RNF32: variants seen among roughly 807,000 people sequenced by gnomAD.
RNF32 encodes ring finger protein 32.
In RNF32, 36 loss-of-function variants were observed where a neutral mutation model predicts 41.0. That is an observed-to-expected ratio of 0.88 (90% CI 0.67 to 1.16). The LOEUF (loss-of-function observed/expected upper bound fraction) is 1.16, where lower values mean the gene tolerates loss of function less well. Ranked by LOEUF, RNF32 falls within the 50% of genes most tolerant of loss-of-function variation. RNF32 has a pLI of 0.00. For synonymous variants in RNF32, 154 were observed against 160.9 expected, an observed-to-expected ratio of 0.96 and a Z score of 0.32; for missense variants, 413 against 436.7, an observed-to-expected ratio of 0.95 and a Z score of 0.48.
At chr7:156,658,834 T>C (rs555101017) in intron 7 of RNF32, 1 of 1,409,602 alleles carries the variant, frequency 7.1e-7, no homozygotes, top group Admixed American at 2.0e-5. Context: ...CATTTTGTGC[T>C]AATTGTTTAA....
chr7:156,669,844 G>C lies in RNF32; in HGVS notation c.685-5852G>C, dbSNP rs1402194240. Among the ~76,000 whole-genome samples, 2 of 152,208 alleles carry C rather than the reference G, an allele frequency of 1.3e-5. No individual in the cohort carries two copies. The highest frequency in any genetic ancestry group is 2.9e-5 in the Non-Finnish European group (2 of 68,036). On this transcript the variant is annotated intron_variant, in intron 7 of 8. Transcript: ENST00000317955. The surrounding 1 kb of genome is among the most constrained non-coding windows in gnomAD (Gnocchi z 4.2). Reference sequence around the variant, plus strand: ...ATAACCAGATGAGACGTGCAGTTGGGCCTGCAGCACGCAGGGCTTGGGGAC... The same window carrying C: ...ATAACCAGATGAGACGTGCAGTTGGCCCTGCAGCACGCAGGGCTTGGGGAC...
At chr7:156,673,329 G>A (rs893609307) in intron 7 of RNF32, among the ~76,000 whole-genome samples, 3 of 152,090 alleles carry the variant, frequency 2.0e-5, no homozygotes, top group African/African-American at 4.8e-5. Flanking sequence ...ATCAATTGGA[G>A]GTAACTGTGT....
At position 156,654,635 on chromosome 7, in the gene RNF32, A is replaced by G. The variant is rs1799319644; in HGVS notation, c.334A>G (p.Lys112Glu). The G allele has an allele frequency of 2.5e-6, 4 of 1,613,854 alleles. No homozygotes were observed. The highest frequency in any genetic ancestry group is 3.4e-6 in the Non-Finnish European group (4 of 1,179,842). Reference sequence around the variant, plus strand: ...TCCACTGTCATCAGATGAATGGGAGAAGGTGAAACAGCGCTCTCTCCTGCA... The same window carrying G: ...TCCACTGTCATCAGATGAATGGGAGGAGGTGAAACAGCGCTCTCTCCTGCA... ...PPPLSSDEWE[K>E]VKQRSLLQGD... Residue 112 changes from lysine to glutamate, a missense_variant, in exon 4 of 9, where the codon AAG becomes GAG. Lys to Glu is a moderately conservative substitution (Grantham distance 56). Coordinates refer to ENST00000317955, the MANE Select transcript of RNF32 (RefSeq NM_030936.4).
chr7:156,642,037 G>A (rs1312405055), intron 1 of RNF32, among the ~76,000 whole-genome samples: 1 of 152,206 alleles, frequency 6.6e-6, no homozygotes, highest in Non-Finnish European at 1.5e-5. Context: ...ACGCCTTAGT[G>A]AGTTTGTTCT....
At chr7:156,640,567 C>T (rs1309844060), upstream of RNF32, 3 of 397,488 alleles carry the variant, frequency 7.5e-6, no homozygotes, top group Non-Finnish European at 1.5e-5. Flanking sequence ...GTGCGCGGGG[C>T]GGGGGCCGGC....
chr7:156,640,236 C>A (rs1797102393), upstream of RNF32: 2 of 449,270 alleles, frequency 4.5e-6, no homozygotes, highest in East Asian at 1.4e-4. Flanking sequence ...CAGAAAACTG[C>A]CCTCGACTAA....
intron 3 of RNF32, among the ~76,000 whole-genome samples, chr7:156,649,497 C>G (rs769962093): frequency 6.6e-6 from 1 of 151,972 alleles, no homozygotes; most frequent in Non-Finnish European, 1.5e-5. Flanking sequence ...TAGCCTAACA[C>G]GTTTCATTTA....
chr7:156,645,729 T>C (rs535493681), intron 3 of RNF32, among the ~76,000 whole-genome samples: 9 of 152,344 alleles, frequency 5.9e-5, no homozygotes, highest in East Asian at 1.9e-4. Context: ...GTTAAGAACA[T>C]ACGATAATAT....
chr7:156,652,966 G>C (rs1798964052), intron 3 of RNF32, among the ~76,000 whole-genome samples: 1 of 152,052 alleles, frequency 6.6e-6, no homozygotes, highest in African/African-American at 2.4e-5. Flanking sequence ...AAAAGTTATA[G>C]GAAGCTAACT....
chr7:156,652,261 T>C (rs573541830), intron 3 of RNF32, among the ~76,000 whole-genome samples: 1 of 152,300 alleles, frequency 6.6e-6, no homozygotes, highest in East Asian at 1.9e-4. Context: ...TGAGGCCTGT[T>C]TTTTTGAGTC....
At chr7:156,675,652 A>G in intron 7 of RNF32, 44 bp from the exon 8 acceptor site, 1 of 1,574,408 alleles carries the variant, frequency 6.4e-7, no homozygotes, top group Non-Finnish European at 8.7e-7. Flanking sequence ...TGCAACCTCC[A>G]CCGAGCTCAG....
At chr7:156,653,631 G>A (rs1164365736) in intron 3 of RNF32, among the ~76,000 whole-genome samples, 15 of 152,170 alleles carry the variant, frequency 9.9e-5, no homozygotes, top group Admixed American at 9.8e-4. Context: ...ACCCGTCTTT[G>A]GGGTGCGGGG....
At position 156,677,099 on chromosome 7, in the gene RNF32, T is replaced by C. The variant is rs1804204139; in HGVS notation, c.*444T>C. 1.3e-5 allele frequency: 2 copies of C among 156,160 alleles called. No homozygotes were observed. The highest frequency in any genetic ancestry group is 6.2e-5 in the Admixed American group (1 of 16,200). 9.7% of individuals were successfully genotyped at this position (156,160 alleles called of 1,614,324 possible). A position where few individuals can be genotyped will look rare whatever the true frequency, so the allele number is the denominator to read the frequency against. On this transcript the variant is annotated 3_prime_UTR_variant, in exon 9 of 9. Coordinates refer to ENST00000317955, the MANE Select transcript of RNF32 (RefSeq NM_030936.4). The stretch of plus-strand genomic sequence containing the variant: ...ATTTCTGTGTAATAAAATATAAAAA[T>C]AAAATATTCAGTGGTATTCAACATC...
chr7:156,655,299 G>T (rs956183332), intron 4 of RNF32, among the ~76,000 whole-genome samples: 7 of 150,974 alleles, frequency 4.6e-5, no homozygotes, highest in African/African-American at 7.3e-5. Flanking sequence ...TATATAGAGA[G>T]AGAGAGAGAG....
At chr7:156,664,134 C>T (rs1490615054) in intron 7 of RNF32, among the ~76,000 whole-genome samples, 1 of 152,228 alleles carries the variant, frequency 6.6e-6, no homozygotes, top group Non-Finnish European at 1.5e-5. Context: ...GTGATTGCCA[C>T]CGTGGCTTTT....
At chr7:156,662,374 T>C (rs376845630) in intron 7 of RNF32, among the ~76,000 whole-genome samples, 6 of 152,356 alleles carry the variant, frequency 3.9e-5, no homozygotes, top group Admixed American at 1.3e-4. Context: ...AACTAGGTTA[T>C]TGAATTTCAC....
rs1219051241 is a variant in RNF32, at chr7:156,670,423, C to CA, written c.685-5272dup. On this transcript the variant is annotated intron_variant, in intron 7 of 8. Transcript: ENST00000317955. The surrounding 1 kb of genome is among the most constrained non-coding windows in gnomAD (Gnocchi z 4.3). ...TAAGAGAGGATGTGGCGCAGGATGT[C>CA]ACTGTCAGAATTTGAAGAGAAAAGA... 1.3e-5 allele frequency among the ~76,000 whole-genome samples: 2 copies of CA among 152,166 alleles called. No homozygotes were observed. The highest frequency in any genetic ancestry group is 4.8e-5 in the African/African-American group (2 of 41,432).
chr7:156,646,482 T>G (rs1309719388), intron 3 of RNF32: 4 of 1,301,182 alleles, frequency 3.1e-6, no homozygotes, highest in Non-Finnish European at 4.0e-6. Context: ...TACAGCCAAC[T>G]TTAAACCAGT....
chr7:156,675,158 C>G (rs999581579), intron 7 of RNF32, among the ~76,000 whole-genome samples: 3 of 152,230 alleles, frequency 2.0e-5, no homozygotes, highest in East Asian at 1.9e-4. Context: ...AGCGGAGACC[C>G]GAAGAGACAG....
Sources: allele counts gnomAD v4.1 joint callset (sites outside exome capture counted in the v4.1 genomes callset), GRCh38; gene constraint gnomAD v4.1.1; non-coding constraint Gnocchi (gnomAD v3.1); transcripts MANE v1.5; gene names NCBI Gene and HGNC (gene_info 2026-07-23, HGNC 2026-07-21).